Variants in LRRC4C observed in about 807,000 individuals in gnomAD.
LRRC4C encodes leucine-rich repeat-containing protein 4C.
LRRC4C carries 5 observed loss-of-function variants against 33.6 expected under a neutral mutation model. The ratio of observed to expected loss-of-function variants is 0.15; its 90% CI spans 0.08 to 0.31. The LOEUF (loss-of-function observed/expected upper bound fraction) is 0.31. Among genes scored for constraint, LRRC4C ranks in the 10% least tolerant of loss-of-function variants. LRRC4C has a pLI of 1.00. For synonymous variants in LRRC4C, 329 were observed against 302.0 expected (o/e 1.09, Z -0.93); for missense variants, 560 against 796.7 (o/e 0.70, Z 3.58).
intron 1 of LRRC4C, among the ~76,000 whole-genome samples, chr11:40,970,452 A>G (rs934337220): frequency 1.3e-5 from 2 of 152,148 alleles, no homozygotes; most frequent in Admixed American, 6.6e-5. Flanking sequence ...AGAAGCCACT[A>G]TGCTTCCCAT....
At chr11:40,703,779 T>A (rs192875136) in intron 2 of LRRC4C, among the ~76,000 whole-genome samples, 2 of 152,320 alleles carry the variant, frequency 1.3e-5, no homozygotes, top group Admixed American at 1.3e-4. Context: ...ACGCAGTAGT[T>A]GATAACAGTT....
chr11:41,055,997 C>T (rs1015801831), intron 1 of LRRC4C, among the ~76,000 whole-genome samples: 2 of 152,068 alleles, frequency 1.3e-5, no homozygotes, highest in Admixed American at 1.3e-4. Context: ...GAAGGACAGC[C>T]ACTGGCATTA....
chr11:40,480,206 G>C (rs947749556), intron 3 of LRRC4C, among the ~76,000 whole-genome samples: 7 of 151,888 alleles, frequency 4.6e-5, no homozygotes, highest in Non-Finnish European at 1.5e-5. Flanking sequence ...GGGCTTCTGT[G>C]TCAAATGTAT....
chr11:40,957,978 G>T (rs1959036958), intron 1 of LRRC4C, among the ~76,000 whole-genome samples: 1 of 151,598 alleles, frequency 6.6e-6, no homozygotes, highest in African/African-American at 2.4e-5. Flanking sequence ...GTCTTTGGAG[G>T]TGATTACGTC....
chr11:40,597,387 G>A (rs74504702), intron 3 of LRRC4C, among the ~76,000 whole-genome samples: 49 of 152,038 alleles, frequency 3.2e-4, no homozygotes, highest in African/African-American at 9.9e-4. Context: ...TTACTTTTGC[G>A]TGCTACTCCA....
At chr11:41,102,866 T>C (rs1045461937) in intron 1 of LRRC4C, among the ~76,000 whole-genome samples, 1 of 152,020 alleles carries the variant, frequency 6.6e-6, no homozygotes, top group African/African-American at 2.4e-5. Flanking sequence ...ATGCTTGATG[T>C]GTAAAGCTTG....
chr11:40,731,450 C>G (rs1246982667), intron 2 of LRRC4C, among the ~76,000 whole-genome samples: 1 of 152,090 alleles, frequency 6.6e-6, no homozygotes, highest in Non-Finnish European at 1.5e-5. Flanking sequence ...TGAGGTCTCC[C>G]CAGAAGCCAA....
chr11:40,649,093 G>C (rs540990123), intron 2 of LRRC4C, among the ~76,000 whole-genome samples: 6 of 152,156 alleles, frequency 3.9e-5, no homozygotes, highest in Non-Finnish European at 8.8e-5. Context: ...ACTGATAAAG[G>C]TCTGTGTTCA....
intron 5 of LRRC4C, among the ~76,000 whole-genome samples, chr11:40,173,611 C>T (rs1860226547): frequency 6.6e-6 from 1 of 152,062 alleles, no homozygotes; most frequent in Non-Finnish European, 1.5e-5. Flanking sequence ...TCTGAGACTA[C>T]CTATAAAGGT....
chr11:40,168,540 T>C (rs1363430521), intron 5 of LRRC4C, among the ~76,000 whole-genome samples: 2 of 152,208 alleles, frequency 1.3e-5, no homozygotes, highest in Non-Finnish European at 2.9e-5. Flanking sequence ...GAGGCTTCCT[T>C]TGAGCTGACT....
intron 2 of LRRC4C, among the ~76,000 whole-genome samples, chr11:40,755,983 G>A (rs982433795): frequency 3.3e-5 from 5 of 152,018 alleles, no homozygotes; most frequent in Non-Finnish European, 7.4e-5. Context: ...ATTGTGGGGT[G>A]CCTGTTTCAA....
At chr11:41,005,457 A>AGCCGG (rs1317403575) in intron 1 of LRRC4C, among the ~76,000 whole-genome samples, 1 of 152,062 alleles carries the variant, frequency 6.6e-6, no homozygotes, top group African/African-American at 2.4e-5. Flanking sequence ...TACAAAAATT[A>AGCCGG]GCCGGGCGTG....
In LRRC4C at chr11:41,055,083, T is replaced by C. The variant is rs963615505; in HGVS notation, c.-495-121360A>G. ...CAGAACCTCAGAAGCCCTCTTCTTT[T>C]AACCTTCCAATTTCTCTAGCCTCCC... On this transcript the variant is annotated intron_variant, in intron 1 of 6. Coordinates refer to ENST00000528697, the MANE Select transcript of LRRC4C (RefSeq NM_001258419.2). Among the ~76,000 whole-genome samples the C allele has an allele frequency of 5.9e-5, 9 of 152,184 alleles. No individual in the cohort carries two copies. In the South Asian group the frequency reaches 1.9e-3, roughly 31 times the overall value.
At chr11:40,789,463 C>T (rs1411157948) in intron 2 of LRRC4C, among the ~76,000 whole-genome samples, 1 of 152,112 alleles carries the variant, frequency 6.6e-6, no homozygotes, top group Non-Finnish European at 1.5e-5. Context: ...AAAATTATAA[C>T]TTAACTTTAA....
At chr11:41,097,014 C>G (rs1940849759) in intron 1 of LRRC4C, among the ~76,000 whole-genome samples, 1 of 152,130 alleles carries the variant, frequency 6.6e-6, no homozygotes. Flanking sequence ...GGCTTAGAAT[C>G]AAGGCAAGTC....
intron 1 of LRRC4C, among the ~76,000 whole-genome samples, chr11:41,423,039 A>T (rs1293511511): frequency 6.6e-6 from 1 of 152,148 alleles, no homozygotes; most frequent in Non-Finnish European, 1.5e-5. Context: ...ATATTATACA[A>T]ATAATGACAA....
intron 3 of LRRC4C, among the ~76,000 whole-genome samples, chr11:40,347,137 TTTG>T (rs1947172837): frequency 6.6e-6 from 1 of 152,232 alleles, no homozygotes; most frequent in Non-Finnish European, 1.5e-5. Context: ...ACTTGGACAA[TTTG>T]TTATTTAGTG....
At chr11:40,813,922 C>T (rs970326810) in intron 2 of LRRC4C, among the ~76,000 whole-genome samples, 1 of 152,186 alleles carries the variant, frequency 6.6e-6, no homozygotes, top group Non-Finnish European at 1.5e-5. Flanking sequence ...CATGTTGATG[C>T]AAGAGGTGGT....
intron 2 of LRRC4C, among the ~76,000 whole-genome samples, chr11:40,715,796 C>T (rs182575050): frequency 0.01 from 1,555 of 152,180 alleles, 11 homozygotes; most frequent in Non-Finnish European, 0.015. Context: ...AGGCTGAGGC[C>T]GGCGGATCGC....
Sources: gnomAD v4.1 joint callset for allele counts (sites outside exome capture counted in the v4.1 genomes callset) on GRCh38, gnomAD v4.1.1 for gene constraint, MANE v1.5 for transcripts, NCBI Gene and HGNC (gene_info 2026-07-23, HGNC 2026-07-21) for gene names.